The following PCNX2 variants were observed in gnomAD, a reference collection of about 807,000 sequenced individuals.
PCNX2 encodes the protein pecanex 2.
In PCNX2, 168 loss-of-function variants were observed where a neutral mutation model predicts 223.8. That is an observed-to-expected ratio of 0.75 (90% CI 0.66 to 0.85). PCNX2 has a LOEUF of 0.85. Ranked by LOEUF, PCNX2 falls within the 40% of genes least tolerant of loss-of-function variation. The pLI is 0.00. For missense variants in PCNX2, 2,507 were observed against 2,675.5 expected (o/e 0.94, Z 1.39); for synonymous variants, 1,006 against 1,052.6 (o/e 0.96, Z 0.86).
chr1:233,211,014 T>C (rs796815534), intron 12 of PCNX2, among the ~76,000 whole-genome samples: 7 of 152,334 alleles, frequency 4.6e-5, no homozygotes, highest in African/African-American at 1.7e-4. Flanking sequence ...CAGTGGTGCC[T>C]GTGGCTAAGT....
At chr1:233,248,405 T>C (rs1255487703) in intron 8 of PCNX2, among the ~76,000 whole-genome samples, 1 of 151,970 alleles carries the variant, frequency 6.6e-6, no homozygotes, top group Non-Finnish European at 1.5e-5. Context: ...CAATGAGACC[T>C]TCCATGGGAT....
chr1:233,143,158 C>T (rs1677227831), intron 19 of PCNX2, among the ~76,000 whole-genome samples: 1 of 152,196 alleles, frequency 6.6e-6, no homozygotes, highest in African/African-American at 2.4e-5. Context: ...GTAATGCTGT[C>T]AACCTGTACA....
At chr1:233,004,247 C>A (rs1291537237) in intron 28 of PCNX2, among the ~76,000 whole-genome samples, 1 of 152,038 alleles carries the variant, frequency 6.6e-6, no homozygotes, top group Non-Finnish European at 1.5e-5. Flanking sequence ...AAAGAGGGAT[C>A]TTTCAAGATT....
chr1:233,093,712 G>A (rs1460278775), intron 22 of PCNX2, among the ~76,000 whole-genome samples: 4 of 152,146 alleles, frequency 2.6e-5, no homozygotes, highest in Non-Finnish European at 4.4e-5. Flanking sequence ...AGCCTCCAGG[G>A]AGGTCAATTT....
chr1:233,261,718 G>A (rs986040677), intron 3 of PCNX2, among the ~76,000 whole-genome samples: 3 of 152,246 alleles, frequency 2.0e-5, no homozygotes, highest in Admixed American at 2.0e-4. Context: ...GGAAGGCACT[G>A]CAGATATGAT....
At chr1:233,184,493 T>C (rs899343463) in intron 15 of PCNX2, among the ~76,000 whole-genome samples, 2 of 152,110 alleles carry the variant, frequency 1.3e-5, no homozygotes, top group Admixed American at 6.5e-5. Flanking sequence ...ATAAATTAAG[T>C]CCAGGCTCCA....
chr1:233,084,626 G>GTCAA (rs2102928455), intron 23 of PCNX2, among the ~76,000 whole-genome samples: 1 of 152,304 alleles, frequency 6.6e-6, no homozygotes, highest in East Asian at 1.9e-4. Flanking sequence ...GCTGAAAATA[G>GTCAA]TCAACTCCTT....
chr1:233,245,785 G>A (rs1186322352), intron 8 of PCNX2, among the ~76,000 whole-genome samples: 8 of 152,030 alleles, frequency 5.3e-5, no homozygotes, highest in Admixed American at 5.2e-4. Flanking sequence ...CTGTGGTGGC[G>A]CGCGCCTGTA....
At chr1:233,287,286 T>C (rs1661501417) in intron 1 of PCNX2, among the ~76,000 whole-genome samples, 1 of 152,196 alleles carries the variant, frequency 6.6e-6, no homozygotes, top group Non-Finnish European at 1.5e-5. Flanking sequence ...TTTGTACATT[T>C]TTAGTGTTTG....
intron 32 of PCNX2, among the ~76,000 whole-genome samples, chr1:232,995,584 G>C (rs550564857): frequency 2.6e-5 from 4 of 152,202 alleles, no homozygotes; most frequent in South Asian, 2.1e-4. Context: ...GGGGGTGAAG[G>C]GGGGAAACCC....
intron 19 of PCNX2, among the ~76,000 whole-genome samples, chr1:233,145,753 G>T (rs1199809383): frequency 1.3e-5 from 2 of 152,094 alleles, no homozygotes; most frequent in African/African-American, 4.8e-5. Flanking sequence ...GTAAAAAGGG[G>T]TAACTTTTAA....
At chr1:233,271,388 G>C (rs1660629021) in intron 1 of PCNX2, among the ~76,000 whole-genome samples, 1 of 152,098 alleles carries the variant, frequency 6.6e-6, no homozygotes, top group Non-Finnish European at 1.5e-5. Context: ...GTTTTGGCTT[G>C]ACAAAGTCAA....
chr1:232,993,838 A>C (rs1392118928), intron 32 of PCNX2, among the ~76,000 whole-genome samples: 1 of 152,238 alleles, frequency 6.6e-6, no homozygotes, highest in South Asian at 2.1e-4. Context: ...AAGGGGCCAA[A>C]GTACAGCTTG....
chr1:233,213,852 GA>G (rs1681968575), intron 12 of PCNX2, among the ~76,000 whole-genome samples: 1 of 105,114 alleles, frequency 9.5e-6, no homozygotes, highest in Non-Finnish European at 1.8e-5. Flanking sequence ...TTTTGAGACA[GA>G]GTCTCACTCT....
At chr1:233,213,279 C>T (rs1037557987) in intron 12 of PCNX2, among the ~76,000 whole-genome samples, 2 of 151,994 alleles carry the variant, frequency 1.3e-5, no homozygotes, top group Non-Finnish European at 1.5e-5. Flanking sequence ...GAGAAATGGT[C>T]ACAGCCAAAA....
At chr1:233,189,150 T>G (rs1680277858) in intron 15 of PCNX2, among the ~76,000 whole-genome samples, 1 of 152,206 alleles carries the variant, frequency 6.6e-6, no homozygotes, top group Non-Finnish European at 1.5e-5. Context: ...TAATCCATTT[T>G]ACAATGGAAA....
intron 13 of PCNX2, among the ~76,000 whole-genome samples, chr1:233,207,714 C>T (rs1260682691): frequency 6.6e-6 from 1 of 152,202 alleles, no homozygotes; most frequent in Non-Finnish European, 1.5e-5. Flanking sequence ...TTCAAACCAT[C>T]AGCAGTTTGG....
rs73105164 is a variant in PCNX2 at position 233,080,153 on chromosome 1, C to T, written c.4076+9908G>A. Among the ~76,000 whole-genome samples, 593 of 152,248 alleles carry T rather than the reference C, an allele frequency of 3.9e-3. 5 individuals carry two copies. The highest frequency in any genetic ancestry group is 0.014 in the African/African-American group (562 of 41,540). ...GGTGAGATTTATTGACTTCAAACTT[C>T]GATCTCTTTTCCAGTACCTCAGTCC... On this transcript the variant is annotated intron_variant, in intron 23 of 33. Transcript: ENST00000258229.
At chr1:233,225,091 A>G (rs973385564) in intron 10 of PCNX2, among the ~76,000 whole-genome samples, 1 of 134,860 alleles carries the variant, frequency 7.4e-6, no homozygotes, top group African/African-American at 2.7e-5. Context: ...CGTTCTGCAC[A>G]TGTATCCCAG....
Sources: allele counts gnomAD v4.1 joint callset (sites outside exome capture counted in the v4.1 genomes callset), GRCh38; gene constraint gnomAD v4.1.1; transcripts MANE v1.5; gene names NCBI Gene and HGNC (gene_info 2026-07-23, HGNC 2026-07-21).